The following AASDH variants were observed in gnomAD, a reference collection of about 807,000 sequenced individuals.
AASDH encodes aminoadipate-semialdehyde dehydrogenase, also known as beta-alanine-activating enzyme.
In AASDH, 81 loss-of-function variants were observed where a neutral mutation model predicts 102.3. The ratio of observed to expected loss-of-function variants is 0.79; its 90% CI spans 0.66 to 0.95. The LOEUF (loss-of-function observed/expected upper bound fraction) is 0.95, where lower values mean the gene tolerates loss of function less well. Among genes scored for constraint, AASDH ranks in the 40% least tolerant of loss-of-function variants. The probability of loss-of-function intolerance (pLI) is 0.00; values close to 1 mark genes in which losing one functional copy is unlikely to be tolerated. For synonymous variants in AASDH, 398 were observed against 454.0 expected (o/e 0.88, Z 1.57); for missense variants, 1,203 against 1,266.2 (o/e 0.95, Z 0.76).
intron 4 of AASDH, among the ~76,000 whole-genome samples, chr4:56,374,106 G>A (rs900851063): frequency 6.6e-6 from 1 of 152,070 alleles, no homozygotes; most frequent in Non-Finnish European, 1.5e-5. Flanking sequence ...GAGGCTGGGC[G>A]CGGTGGCTCA....
At chr4:56,345,957 T>C (rs1748284428) in intron 11 of AASDH, among the ~76,000 whole-genome samples, 1 of 152,240 alleles carries the variant, frequency 6.6e-6, no homozygotes, top group Non-Finnish European at 1.5e-5. Context: ...AGCTCATATG[T>C]GGCAAACCAA....
At chr4:56,363,847 C>A (rs1404855689) in intron 5 of AASDH, among the ~76,000 whole-genome samples, 4 of 152,170 alleles carry the variant, frequency 2.6e-5, no homozygotes, top group Admixed American at 6.5e-5. Context: ...AGCTCCTCAC[C>A]AGCAATGGAA....
intron 5 of AASDH, among the ~76,000 whole-genome samples, chr4:56,358,492 G>A (rs528047455): frequency 2.0e-5 from 3 of 149,930 alleles, no homozygotes; most frequent in African/African-American, 7.4e-5. Flanking sequence ...TATTGTAGGT[G>A]CCCTTCTTCA....
In AASDH at chr4:56,371,529, A is replaced by T. The variant is rs1189491047; in HGVS notation, c.783T>A (p.Ile261=). 6.2e-7 allele frequency: 1 copy of T among 1,613,566 alleles called. No individual in the cohort carries two copies. ...LALSSGASLL[I]VPTSVKLLPS... is the part of the protein sequence containing the mutation. The stretch of plus-strand genomic sequence containing the variant: ...GGAGCAACTTGACGGAAGTTGGTAC[A>T]ATAAGCAGAGAGGCACCACTTGATA... The change falls in exon 5 of 15, where the codon ATT becomes ATA. Residue 261 remains isoleucine, a synonymous_variant. Transcript: ENST00000205214.
intron 3 of AASDH, chr4:56,381,960 T>A (rs892219454): frequency 6.6e-6 from 1 of 152,056 alleles, no homozygotes; most frequent in Non-Finnish European, 1.5e-5. Context: ...TCTGGAAAGA[T>A]CTCCTCTAAG....
intron 14 of AASDH, among the ~76,000 whole-genome samples, chr4:56,341,515 C>T (rs1406289528): frequency 1.3e-5 from 2 of 150,702 alleles, no homozygotes; most frequent in East Asian, 2.0e-4. Flanking sequence ...GCCTCAGCCT[C>T]CCAAGTAGCT....
intron 5 of AASDH, among the ~76,000 whole-genome samples, chr4:56,359,751 G>A (rs1267639965): frequency 1.3e-5 from 2 of 150,812 alleles, no homozygotes; most frequent in East Asian, 3.9e-4. Context: ...TAGAGACAGG[G>A]TTTCACCATC....
chr4:56,378,063 C>T, intron 4 of AASDH, 85 bp downstream of exon 4: 1 of 1,355,420 alleles, frequency 7.4e-7, no homozygotes, highest in Admixed American at 2.3e-5. Context: ...GCCTCAGCCT[C>T]CCAAAGTGCT....
chr4:56,355,212 A>G lies in AASDH; in HGVS notation c.1073T>C (p.Ile358Thr). ...EVSSWATIYRIPEKTLNSTLK... is the reference protein window; with the variant it reads ...EVSSWATIYRTPEKTLNSTLK... Reference sequence around the variant, plus strand: ...AGTAGAGTTAAGAGTCTTCTCTGGAATCCTATAAATGGTCGCCCAACTTGA... The same window carrying G: ...AGTAGAGTTAAGAGTCTTCTCTGGAGTCCTATAAATGGTCGCCCAACTTGA... Residue 358 changes from isoleucine (I) to threonine (T), a missense_variant, in exon 6 of 15, where the codon ATT becomes ACT. Ile to Thr is a moderately conservative substitution (Grantham distance 89). Coordinates refer to ENST00000205214, the MANE Select transcript of AASDH (RefSeq NM_181806.4). The G allele has an allele frequency of 1.2e-6, 2 of 1,614,050 alleles. No homozygotes were observed. The highest frequency in any genetic ancestry group is 1.7e-6 in the Non-Finnish European group (2 of 1,179,980).
At chr4:56,382,636 T>G (rs762276408) in intron 2 of AASDH, 39 bp from the exon 3 acceptor site, 12 of 1,578,452 alleles carry the variant, frequency 7.6e-6, no homozygotes, top group African/African-American at 1.4e-5. Flanking sequence ...GAATGTCTGT[T>G]GATTTAGTAT....
rs1288138501 is a variant in AASDH, at chr4:56,354,130, G to A, written c.1292C>T (p.Thr431Ile). The A allele has an allele frequency of 4.3e-6, 7 of 1,613,152 alleles. No homozygotes were observed. The highest frequency in any genetic ancestry group is 5.9e-6 in the Non-Finnish European group (7 of 1,179,472). Residue 431 changes from threonine to isoleucine, a missense_variant, in exon 8 of 15, where the codon ACT becomes ATT. Thr to Ile is a moderately conservative substitution (Grantham distance 89, BLOSUM62 -1). Transcript: ENST00000205214. The part of the protein sequence containing the change: ...GTMRATGDFV[T>I]VKDGEIFFLG... Reference sequence around the variant, plus strand: ...AAAAAAAATCTCTCCATCTTTCACAGTCACAAAGTCTCCTGTAGCTCGCAT... The same window carrying A: ...AAAAAAAATCTCTCCATCTTTCACAATCACAAAGTCTCCTGTAGCTCGCAT...
At chr4:56,365,243 G>A (rs1236666620) in intron 5 of AASDH, among the ~76,000 whole-genome samples, 2 of 151,858 alleles carry the variant, frequency 1.3e-5, no homozygotes, top group East Asian at 3.9e-4. Flanking sequence ...CCTACAAAGA[G>A]ACTTAGACTC....
At chr4:56,356,516 C>T (rs77748680) in intron 5 of AASDH, 1 of 1,061,802 alleles carries the variant, frequency 9.4e-7, no homozygotes, top group Non-Finnish European at 1.4e-6. Context: ...AAGGGGATGT[C>T]CCCAGTAAGA....
intron 5 of AASDH, among the ~76,000 whole-genome samples, chr4:56,361,491 T>C (rs1446628850): frequency 6.6e-6 from 1 of 152,146 alleles, no homozygotes; most frequent in East Asian, 1.9e-4. Context: ...AGGGGCAGAA[T>C]ACAAGTCAGC....
intron 10 of AASDH, among the ~76,000 whole-genome samples, chr4:56,350,457 A>C (rs974571035): frequency 2.0e-5 from 3 of 151,792 alleles, no homozygotes; most frequent in African/African-American, 7.3e-5. Context: ...CCATCTCAAA[A>C]ATAATAATAA....
intron 5 of AASDH, among the ~76,000 whole-genome samples, chr4:56,361,876 G>A (rs1005559246): frequency 6.6e-6 from 1 of 152,194 alleles, no homozygotes; most frequent in Non-Finnish European, 1.5e-5. Flanking sequence ...GGAGGCTGAG[G>A]TGGGAGGATC....
chr4:56,342,038 T>C (rs9312674), intron 14 of AASDH, among the ~76,000 whole-genome samples: 103,243 of 148,938 alleles, frequency 0.69, 35,644 homozygotes, highest in Admixed American at 0.77. Context: ...CTTGAACCCG[T>C]GAGGCGGAGG....
chr4:56,353,209 T>C (rs6554346), intron 9 of AASDH, among the ~76,000 whole-genome samples, 195 bp downstream of exon 9: 54,521 of 151,936 alleles, frequency 0.36, 10,287 homozygotes, highest in Non-Finnish European at 0.43. Context: ...CATCTGTAAA[T>C]AGGAATAATA....
intron 9 of AASDH, among the ~76,000 whole-genome samples, chr4:56,352,446 T>C (rs988678950): frequency 9.9e-5 from 15 of 152,198 alleles, no homozygotes; most frequent in African/African-American, 2.7e-4. Context: ...TAGGCTGGAG[T>C]GCAGTGGCGC....
Sources: allele counts gnomAD v4.1 joint callset (sites outside exome capture counted in the v4.1 genomes callset), GRCh38; gene constraint gnomAD v4.1.1; transcripts MANE v1.5; gene names NCBI Gene and HGNC (gene_info 2026-07-23, HGNC 2026-07-21).